The following TNS1 variants were observed in gnomAD, a reference collection of about 807,000 sequenced individuals.
TNS1 encodes the protein tensin-1.
Under a neutral mutation model 168.6 loss-of-function variants are expected in TNS1, and 62 were observed. That is an observed-to-expected ratio of 0.37 (90% CI 0.30 to 0.45). The LOEUF is 0.45. Among genes scored for constraint, TNS1 ranks in the 20% least tolerant of loss-of-function variants. The pLI, the probability that TNS1 is intolerant of heterozygous loss-of-function variation, is 1.00. For synonymous variants in TNS1, 934 were observed against 933.2 expected (o/e 1.00, Z -0.02); for missense variants, 2,240 against 2,339.4 (o/e 0.96, Z 0.88).
Position 217,848,358 on chromosome 2 carries a change from C to T in TNS1, c.2159G>A (p.Gly720Glu). The change falls in exon 19 of 33, where the codon GGG becomes GAG. Residue 720 changes from glycine (G) to glutamate (E), a missense_variant. Transcript: ENST00000682258. ...QEGLAGYQRE[G>E]PHPAWPQPVT... ...TGGCTGTGGCCAGGCTGGGTGGGGC[C>T]CCTCCCTCTGGTAGCCAGCTAAACC... 1 of 1,540,980 alleles carries T rather than the reference C, an allele frequency of 6.5e-7. No homozygotes were observed.
rs943132919 is a variant in TNS1, at chr2:217,818,642, A to G, written c.3690T>C (p.Ser1230=). 6.2e-7 allele frequency: 1 copy of G among 1,614,230 alleles called. No homozygotes were observed. The highest frequency in any genetic ancestry group is 8.5e-7 in the Non-Finnish European group (1 of 1,180,036). ...AAGAGCTCTGGTAGTTTCTCTGGGC[A>G]GACGGGCTGGGCTGTCCCAGGCTGC... The part of the protein sequence containing the change: ...RSGSLGQPSP[S]AQRNYQSSSP... The change falls in exon 24 of 33, where the codon TCT becomes TCC. Residue 1230 remains serine (S), a synonymous_variant. Coordinates refer to ENST00000682258, the MANE Select transcript of TNS1 (RefSeq NM_001387777.1).
At chr2:218,005,408 C>A (rs1191132505), upstream of TNS1, among the ~76,000 whole-genome samples, 2 of 152,216 alleles carry the variant, frequency 1.3e-5, no homozygotes, top group Admixed American at 1.3e-4. Flanking sequence ...GAAACCCTCC[C>A]TCCAGAATAC....
intron 1 of TNS1, among the ~76,000 whole-genome samples, chr2:218,019,194 G>T (rs56083579): frequency 0.11 from 16,335 of 152,180 alleles, 1,074 homozygotes; most frequent in East Asian, 0.28. Flanking sequence ...AAGGGTGAAG[G>T]CTGGGACCCT....
Position 217,858,532 on chromosome 2 carries a change from GC to G in TNS1, c.1430-9446del, listed in dbSNP as rs368585569. ...AGGGAGAGGGAGGAAGCGGAGGGAA[GC>G]CCGCTCTGATTTGATCCTGGTGCCC... On this transcript the variant is annotated intron_variant, in intron 18 of 32. Transcript: ENST00000682258. 130 of 986,232 alleles carry G rather than the reference GC, an allele frequency of 1.3e-4. 3 individuals are homozygous for G. In the East Asian group the frequency reaches 6.6e-3, roughly 50 times the overall value. The allele number at this position is 986,232 out of a possible 1,614,324, so 61.1% of individuals were successfully genotyped here.
upstream of TNS1, among the ~76,000 whole-genome samples, chr2:218,013,545 C>T (rs550785410): frequency 1.1e-4 from 16 of 152,314 alleles, no homozygotes; most frequent in South Asian, 3.3e-3. Flanking sequence ...TCGCATCTCC[C>T]TCCCCAGTGC....
At chr2:217,850,469 G>A (rs949250733) in intron 18 of TNS1, 50 of 985,100 alleles carry the variant, frequency 5.1e-5, no homozygotes, top group South Asian at 1.4e-4. Context: ...AAAAGTGAGC[G>A]CTGGGTGGCT....
At chr2:217,925,310 G>A (rs376979910) in intron 3 of TNS1, among the ~76,000 whole-genome samples, 11 of 152,242 alleles carry the variant, frequency 7.2e-5, no homozygotes, top group South Asian at 4.2e-4. Context: ...AAACCCAGGC[G>A]TCTGCCTAGC....
At chr2:217,807,951 T>C in intron 32 of TNS1, 124 bp downstream of exon 32, 1 of 1,177,964 alleles carries the variant, frequency 8.5e-7, no homozygotes, top group Non-Finnish European at 1.2e-6. Context: ...TGAGTGACCT[T>C]GGCACAAAGG....
intron 4 of TNS1, among the ~76,000 whole-genome samples, chr2:217,910,709 C>CACAT (rs1277701117): frequency 9.9e-4 from 134 of 135,398 alleles, no homozygotes; most frequent in Middle Eastern, 7.4e-3. Flanking sequence ...CTACCACATA[C>CACAT]ACATACACAC....
At chr2:217,949,564 A>G (rs1432008705) in intron 3 of TNS1, among the ~76,000 whole-genome samples, 1 of 152,224 alleles carries the variant, frequency 6.6e-6, no homozygotes, top group East Asian at 1.9e-4. Context: ...TCCTGGAGAC[A>G]AGAGAGAAAG....
chr2:217,834,237 G>T (rs1360334136), intron 21 of TNS1, among the ~76,000 whole-genome samples: 1 of 152,190 alleles, frequency 6.6e-6, no homozygotes, highest in East Asian at 1.9e-4. Flanking sequence ...AGGACAGCCA[G>T]CCCCTAGGGG....
chr2:217,896,946 T>C (rs145328576), intron 8 of TNS1, among the ~76,000 whole-genome samples: 2 of 152,342 alleles, frequency 1.3e-5, no homozygotes, highest in Admixed American at 1.3e-4. Flanking sequence ...TTGTTTTTTA[T>C]TGTTATTTAC....
At chr2:218,026,421 G>A (rs1574484513) in intron 1 of TNS1, among the ~76,000 whole-genome samples, 3 of 152,176 alleles carry the variant, frequency 2.0e-5, no homozygotes, top group African/African-American at 7.2e-5. Flanking sequence ...GACACAGATG[G>A]AACACGAGAG....
chr2:217,985,084 T>C (rs1489333533), intron 2 of TNS1, among the ~76,000 whole-genome samples: 1 of 150,992 alleles, frequency 6.6e-6, no homozygotes, highest in African/African-American at 2.5e-5. Context: ...TTTTTTTTTT[T>C]AGCTCATCAG....
At position 217,848,039 on chromosome 2, in the gene TNS1, G is replaced by A. The variant is rs1054199140; in HGVS notation, c.2478C>T (p.Ser826=). The A allele has an allele frequency of 4.6e-6, 7 of 1,526,750 alleles. No homozygotes were observed. In the Middle Eastern group the frequency reaches 1.1e-3, roughly 232 times the overall value. 94.6% of individuals were successfully genotyped at this position (1,526,750 alleles called of 1,614,324 possible). ...CGATGGACTGTTCAATCTCCTGCTG[G>A]GAGGCTGCTCGCGGGAACTCAGGGA... ...PSLPEFPRAA[S]QQEIEQSIET... is the part of the protein sequence containing the mutation. The change falls in exon 19 of 33, where the codon TCC becomes TCT. Residue 826 remains serine, a synonymous_variant. Transcript: ENST00000682258.
chr2:217,918,823 G>A (rs1210706066), intron 4 of TNS1, among the ~76,000 whole-genome samples: 1 of 141,262 alleles, frequency 7.1e-6, no homozygotes, highest in East Asian at 2.5e-4. Flanking sequence ...GCAGTTCCAA[G>A]CCCGACTGCA....
At chr2:217,806,382 C>G (rs1250068130) in intron 32 of TNS1, among the ~76,000 whole-genome samples, 1 of 152,226 alleles carries the variant, frequency 6.6e-6, no homozygotes, top group Non-Finnish European at 1.5e-5. Flanking sequence ...TCATGATTCC[C>G]TGTTAGCCCA....
intron 4 of TNS1, among the ~76,000 whole-genome samples, chr2:217,915,037 G>A (rs1575064130): frequency 2.0e-5 from 3 of 152,136 alleles, no homozygotes; most frequent in Non-Finnish European, 4.4e-5. Flanking sequence ...CATCCTCTTG[G>A]GAATGCAATG....
chr2:218,004,418 A>C, upstream of TNS1, among the ~76,000 whole-genome samples: 1 of 151,490 alleles, frequency 6.6e-6, no homozygotes, highest in African/African-American at 2.4e-5. Context: ...TGTCAGCACC[A>C]CATACCGTGC....
Sources: allele counts gnomAD v4.1 joint callset (sites outside exome capture counted in the v4.1 genomes callset), GRCh38; gene constraint gnomAD v4.1.1; transcripts MANE v1.5; gene names NCBI Gene and HGNC (gene_info 2026-07-23, HGNC 2026-07-21).